Variants in ZFHX3 observed in about 807,000 individuals in gnomAD.
ZFHX3 encodes the protein zinc finger homeobox 3, also known as zinc finger homeobox protein 3.
ZFHX3 carries 42 observed loss-of-function variants against 279.1 expected under a neutral mutation model. That is an observed-to-expected ratio of 0.15 (90% CI 0.12 to 0.19). The LOEUF (loss-of-function observed/expected upper bound fraction) is 0.19. ZFHX3 is among the 10% of genes least tolerant of loss of function. The probability of loss-of-function intolerance (pLI) is 1.00; values close to 1 mark genes in which losing one functional copy is unlikely to be tolerated. For missense variants in ZFHX3, 4,981 were observed against 4,754.0 expected, an observed-to-expected ratio of 1.05 and a Z score of -1.40; for synonymous variants, 2,293 against 1,957.8, an observed-to-expected ratio of 1.17 and a Z score of -4.52.
chr16:73,883,618 G>T (rs374743938), intron 1 of ZFHX3, among the ~76,000 whole-genome samples: 1 of 151,844 alleles, frequency 6.6e-6, no homozygotes, highest in African/African-American at 2.4e-5. Flanking sequence ...AGAAAGGCGC[G>T]GTAAAAATCA....
intron 3 of ZFHX3, among the ~76,000 whole-genome samples, chr16:72,931,413 A>G (rs879608384): frequency 0.055 from 3,664 of 66,460 alleles, 169 homozygotes; most frequent in African/African-American, 0.17. Flanking sequence ...TTACACACAC[A>G]CACACACACA....
chr16:73,814,254 C>T (rs1479027829), intron 1 of ZFHX3, among the ~76,000 whole-genome samples: 1 of 151,944 alleles, frequency 6.6e-6, no homozygotes, highest in Non-Finnish European at 1.5e-5. Flanking sequence ...AATGGAGAGA[C>T]AATAAATGGT....
Position 72,950,918 on chromosome 16 carries a change from C to T in ZFHX3, c.2767G>A (p.Val923Met). The change falls in exon 3 of 10, where the codon GTG becomes ATG. Residue 923 changes from valine to methionine, a missense_variant. By Grantham distance (21) the Val-to-Met change is conservative (BLOSUM62 1). This residue lies in a region of ZFHX3 where 1,751 missense variants were observed against 1,770.0 expected (regional missense o/e 0.99). Coordinates refer to ENST00000268489, the MANE Select transcript of ZFHX3 (RefSeq NM_006885.4). ...LDMRLGGGQL[V>M]SEELMNLGES... is the part of the protein sequence containing the mutation. ...CCCAGGTTCATCAGCTCCTCTGACA[C>T]CAGCTGCCCGCCCCCGAGCCGCATG... The T allele has an allele frequency of 6.2e-7, 1 of 1,614,082 alleles. No individual in the cohort carries two copies. The highest frequency in any genetic ancestry group is 8.5e-7 in the Non-Finnish European group (1 of 1,180,040).
At chr16:73,567,002 A>G (rs1349347507) in intron 2 of ZFHX3, among the ~76,000 whole-genome samples, 1 of 152,044 alleles carries the variant, frequency 6.6e-6, no homozygotes, top group Non-Finnish European at 1.5e-5. Context: ...CCCAGCCAAC[A>G]CTGAGCTAAC....
chr16:73,729,670 C>A (rs780787930), intron 1 of ZFHX3, among the ~76,000 whole-genome samples: 1 of 152,166 alleles, frequency 6.6e-6, no homozygotes, highest in Non-Finnish European at 1.5e-5. Flanking sequence ...TCCTTGCCAA[C>A]CTCTCCCGCA....
intron 4 of ZFHX3, among the ~76,000 whole-genome samples, chr16:73,261,963 C>T (rs1039867180): frequency 6.6e-6 from 1 of 152,158 alleles, no homozygotes; most frequent in South Asian, 2.1e-4. Context: ...GCGTGAGCTA[C>T]GGCACCCAGC....
At chr16:73,325,665 C>T (rs2015666946) in intron 3 of ZFHX3, among the ~76,000 whole-genome samples, 1 of 152,044 alleles carries the variant, frequency 6.6e-6, no homozygotes, top group Non-Finnish European at 1.5e-5. Flanking sequence ...AAGCCTACAA[C>T]AGAAAACATA....
chr16:73,634,138 A>G (rs1465617004), intron 2 of ZFHX3, among the ~76,000 whole-genome samples: 1 of 152,048 alleles, frequency 6.6e-6, no homozygotes, highest in Non-Finnish European at 1.5e-5. Flanking sequence ...ACATATACAT[A>G]CATAATTATG....
chr16:73,783,326 G>T (rs748653198), intron 1 of ZFHX3, among the ~76,000 whole-genome samples: 1 of 152,144 alleles, frequency 6.6e-6, no homozygotes, highest in Non-Finnish European at 1.5e-5. Context: ...CGCCACTGTT[G>T]AACTCTTTCC....
intron 2 of ZFHX3, among the ~76,000 whole-genome samples, chr16:73,626,108 G>A (rs1280415472): frequency 1.3e-5 from 2 of 151,984 alleles, no homozygotes; most frequent in Non-Finnish European, 2.9e-5. Flanking sequence ...CGCCCGCCTC[G>A]GCCTCCCAAA....
intron 6 of ZFHX3, among the ~76,000 whole-genome samples, chr16:73,142,978 G>A (rs572514952): frequency 1.3e-5 from 2 of 152,092 alleles, no homozygotes; most frequent in African/African-American, 4.8e-5. Context: ...GATACAATTT[G>A]GTCTCTTCTT....
intron 1 of ZFHX3, among the ~76,000 whole-genome samples, chr16:73,806,352 G>C (rs975905464): frequency 3.3e-5 from 5 of 152,234 alleles, no homozygotes; most frequent in Admixed American, 3.3e-4. Context: ...CAATTGAGGA[G>C]CAGCAGGGAA....
At chr16:73,190,571 T>C (rs1352707201) in intron 5 of ZFHX3, among the ~76,000 whole-genome samples, 1 of 152,242 alleles carries the variant, frequency 6.6e-6, no homozygotes, top group Non-Finnish European at 1.5e-5. Flanking sequence ...CACACTCTAT[T>C]ACATAAGTGA....
At position 72,787,994 on chromosome 16, in the gene ZFHX3, G is replaced by A. The variant is rs1434677227; in HGVS notation, c.10282C>T (p.Pro3428Ser). The A allele has an allele frequency of 1.9e-6, 3 of 1,613,482 alleles. No individual in the cohort carries two copies. The highest frequency in any genetic ancestry group is 2.5e-6 in the Non-Finnish European group (3 of 1,179,950). ...GGCAGGAGGGGGGACACCTCACGGG[G>A]GGTGTTTTTCTGTTCTTCTGGTTTG... Reference protein sequence around the residue: ...SPKPEEQKNTPREVSPLLPKL... With the variant: ...SPKPEEQKNTSREVSPLLPKL... The change falls in exon 10 of 10, where the codon CCC becomes TCC. Residue 3428 changes from proline to serine, a missense_variant. Physicochemically the swap from Pro to Ser is moderately conservative, Grantham distance 74 (BLOSUM62 -1). Coordinates refer to ENST00000268489, the MANE Select transcript of ZFHX3 (RefSeq NM_006885.4).
intron 2 of ZFHX3, among the ~76,000 whole-genome samples, chr16:73,604,705 A>T (rs367987348): frequency 2.0e-5 from 3 of 150,980 alleles, no homozygotes; most frequent in Admixed American, 6.6e-5. Flanking sequence ...AGATGGGACC[A>T]CTGCACTCCA....
At chr16:73,700,042 G>C (rs1024783669) in intron 1 of ZFHX3, among the ~76,000 whole-genome samples, 1 of 152,138 alleles carries the variant, frequency 6.6e-6, no homozygotes, top group Non-Finnish European at 1.5e-5. Flanking sequence ...GGGTGACATA[G>C]TGAGACCCTC....
chr16:73,861,097 G>A (rs1271791199), intron 1 of ZFHX3, among the ~76,000 whole-genome samples: 1 of 151,596 alleles, frequency 6.6e-6, no homozygotes, highest in South Asian at 2.1e-4. Flanking sequence ...CTGAGTAGCT[G>A]AGACTACAGG....
chr16:72,985,707 G>A (rs551070800), intron 1 of ZFHX3, among the ~76,000 whole-genome samples: 4 of 152,184 alleles, frequency 2.6e-5, no homozygotes, highest in African/African-American at 7.2e-5. Flanking sequence ...TCTCCTGGAC[G>A]CTCTCAGATA....
chr16:73,751,706 G>C lies in ZFHX3; in HGVS notation c.-1607-71466C>G, dbSNP rs541622501. On this transcript the variant is annotated intron_variant, in intron 1 of 17. Transcript: ENST00000641206. ...AAATTAGAAGTTAGGGGTCCTGAGA[G>C]AATCATAAAGTAGGAGCTATTTTCT... 2.0e-5 allele frequency among the ~76,000 whole-genome samples: 3 copies of C among 152,140 alleles called. 1 individual carries two copies. In the South Asian group the frequency reaches 6.2e-4, roughly 31 times the overall value.
Sources: allele counts gnomAD v4.1 joint callset (sites outside exome capture counted in the v4.1 genomes callset), GRCh38; gene constraint gnomAD v4.1.1; regional missense constraint gnomAD v4.1.1; transcripts MANE v1.5; gene names NCBI Gene and HGNC (gene_info 2026-07-23, HGNC 2026-07-21).